The following DOCK9 variants were observed in gnomAD, a reference collection of about 807,000 sequenced individuals.
DOCK9 encodes the protein dedicator of cytokinesis 9.
Under a neutral mutation model 263.3 loss-of-function variants are expected in DOCK9, and 89 were observed. The ratio of observed to expected loss-of-function variants is 0.34; its 90% CI spans 0.28 to 0.40. DOCK9 has a LOEUF of 0.40. DOCK9 is among the 10% of genes least tolerant of loss of function. The pLI is 1.00. For missense variants in DOCK9, 2,140 were observed against 2,603.4 expected (o/e 0.82, Z 3.87); for synonymous variants, 976 against 973.1 (o/e 1.00, Z -0.06).
At chr13:99,020,934 G>A (rs920818333) in intron 1 of DOCK9, among the ~76,000 whole-genome samples, 2 of 152,194 alleles carry the variant, frequency 1.3e-5, no homozygotes, top group Non-Finnish European at 2.9e-5. Flanking sequence ...ATAGAATTCA[G>A]TCTAACACGT....
chr13:98,998,049 G>T (rs947133306), intron 1 of DOCK9, among the ~76,000 whole-genome samples: 1 of 152,202 alleles, frequency 6.6e-6, no homozygotes, highest in Non-Finnish European at 1.5e-5. Context: ...GATGGTGAGG[G>T]TGTCATGCAT....
chr13:99,072,751 G>A (rs9517586), intron 1 of DOCK9, among the ~76,000 whole-genome samples: 42,395 of 151,966 alleles, frequency 0.28, 6,288 homozygotes, highest in East Asian at 0.43. Context: ...ATGTAATCCT[G>A]GCACTTGGGA....
intron 2 of DOCK9, among the ~76,000 whole-genome samples, chr13:98,955,051 C>T (rs555032913): frequency 1.2e-4 from 19 of 152,210 alleles, no homozygotes; most frequent in Admixed American, 2.0e-4. Context: ...GGCACAGTGG[C>T]TCATGCCTAT....
At position 98,838,634 on chromosome 13, in the gene DOCK9, A is replaced by G. The variant is rs1399462902; in HGVS notation, c.4199-1025T>C. The stretch of plus-strand genomic sequence containing the variant: ...TTAGTACTGATATAAATGCAATTTG[A>G]CATACAAGTTGAGATTAAATTATGA... On this transcript the variant is annotated intron_variant, in intron 38 of 52. Transcript: ENST00000682017. Among the ~76,000 whole-genome samples the G allele has an allele frequency of 2.6e-5, 4 of 152,382 alleles. No individual in the cohort carries two copies. The East Asian group carries it at 7.7e-4, about 29-fold the overall frequency.
At chr13:98,902,558 AAAGAGAAATGACAAGACCTATTT>A in intron 11 of DOCK9, 67 bp from the exon 12 acceptor site, 5 of 1,486,118 alleles carry the variant, frequency 3.4e-6, no homozygotes, top group Non-Finnish European at 4.6e-6. Flanking sequence ...GTTGCTATCA[AAAGAGAAATGACAAGACCTATTT>A]AGGACTGTTG....
chr13:98,855,565 C>G (rs1275514161), intron 34 of DOCK9, among the ~76,000 whole-genome samples: 1 of 152,056 alleles, frequency 6.6e-6, no homozygotes, highest in African/African-American at 2.4e-5. Flanking sequence ...GAGCGAGACT[C>G]TGTCTCAAAA....
At chr13:98,810,044 G>A (rs2091155435) in intron 46 of DOCK9, 125 bp downstream of exon 46, 1 of 1,340,844 alleles carries the variant, frequency 7.5e-7, no homozygotes, top group African/African-American at 1.4e-5. Flanking sequence ...GTAACGTGGA[G>A]GGTCAGAGAC....
At chr13:98,850,193 GAACCTTGGAGTGTAGGCCTCTA>G (rs2093521414) in intron 35 of DOCK9, 80 bp from the exon 36 acceptor site, 1 of 1,059,344 alleles carries the variant, frequency 9.4e-7, no homozygotes, top group Non-Finnish European at 1.3e-6. Context: ...AAATGGGAAG[GAACCTTGGAGTGTAGGCCTCTA>G]AACCCTGGAG....
At chr13:99,069,074 T>C (rs1409372154) in intron 1 of DOCK9, among the ~76,000 whole-genome samples, 1 of 152,192 alleles carries the variant, frequency 6.6e-6, no homozygotes, top group Non-Finnish European at 1.5e-5. Flanking sequence ...CAGCCTGAAA[T>C]GTAAAATGAC....
intron 20 of DOCK9, chr13:98,885,446 A>C (rs1398161596): frequency 1.8e-6 from 1 of 541,004 alleles, no homozygotes; most frequent in East Asian, 4.0e-5. Context: ...TCTACAAAAA[A>C]ATACAAAAAT....
intron 1 of DOCK9, among the ~76,000 whole-genome samples, chr13:99,001,656 G>A (rs1239869632): frequency 1.3e-5 from 2 of 152,332 alleles, no homozygotes; most frequent in South Asian, 2.1e-4. Context: ...GGCTGAGAGA[G>A]GAGGACTTGG....
rs771376448 is a variant in DOCK9 at position 98,888,736 on chromosome 13, T to C, written c.1710-25A>G. The C allele has an allele frequency of 3.4e-5, 54 of 1,598,196 alleles. 1 individual carries two copies. The Admixed American group carries it at 9.1e-4, about 27-fold the overall frequency. ...TCTGCAAACAAAAGAAGAGAAAAAT[T>C]AAACATTCGTAAGTTAACTCTAAAA... On this transcript the variant is annotated intron_variant, in intron 15 of 52. Coordinates refer to ENST00000682017, the MANE Select transcript of DOCK9 (RefSeq NM_001366683.2).
chr13:98,832,488 G>A (rs1298795321), intron 39 of DOCK9, among the ~76,000 whole-genome samples: 4 of 152,228 alleles, frequency 2.6e-5, no homozygotes, highest in African/African-American at 9.6e-5. Flanking sequence ...TTTGACATTC[G>A]TGGATTTTAC....
In DOCK9 at chr13:98,968,789, A is replaced by G. The variant is rs1296658438; in HGVS notation, c.126+8995T>C. ...TTTACTTGGGCAGACAATAGTTTGG[A>G]AAAGCATACCACATCAGAGATAAAA... On this transcript the variant is annotated intron_variant, in intron 1 of 52. Coordinates refer to ENST00000682017, the MANE Select transcript of DOCK9 (RefSeq NM_001366683.2). 3.9e-5 allele frequency among the ~76,000 whole-genome samples: 6 copies of G among 152,352 alleles called. No individual in the cohort carries two copies. In the East Asian group the frequency reaches 1.2e-3, roughly 29 times the overall value.
intron 15 of DOCK9, among the ~76,000 whole-genome samples, chr13:98,890,159 A>G (rs1325990621): frequency 6.6e-6 from 1 of 152,194 alleles, no homozygotes; most frequent in African/African-American, 2.4e-5. Flanking sequence ...AGATATTCCT[A>G]ATAGCTTTAT....
At chr13:98,957,261 A>C (rs1489052948) in intron 1 of DOCK9, among the ~76,000 whole-genome samples, 1 of 152,234 alleles carries the variant, frequency 6.6e-6, no homozygotes, top group Non-Finnish European at 1.5e-5. Context: ...CAGGAGCAAG[A>C]ACTGAAACAC....
upstream of DOCK9, chr13:99,086,755 G>T: frequency 6.8e-6 from 1 of 147,662 alleles, no homozygotes; most frequent in South Asian, 1.9e-4. Flanking sequence ...CGCCGCGGCG[G>T]GACGGCGGGC....
At chr13:98,865,605 G>A (rs2093998651) in intron 30 of DOCK9, among the ~76,000 whole-genome samples, 1 of 152,216 alleles carries the variant, frequency 6.6e-6, no homozygotes, top group Admixed American at 6.5e-5. Flanking sequence ...ATAAGAGCTT[G>A]TGCTGCCCTG....
At chr13:98,928,216 G>T (rs2053354392) in intron 3 of DOCK9, among the ~76,000 whole-genome samples, 1 of 152,190 alleles carries the variant, frequency 6.6e-6, no homozygotes, top group East Asian at 1.9e-4. Flanking sequence ...CAGATCCTGA[G>T]AACTGTACCT....
Sources: allele counts gnomAD v4.1 joint callset (sites outside exome capture counted in the v4.1 genomes callset), GRCh38; gene constraint gnomAD v4.1.1; transcripts MANE v1.5; gene names NCBI Gene and HGNC (gene_info 2026-07-23, HGNC 2026-07-21).